The following MYOM1 variants were observed in gnomAD, a reference collection of about 807,000 sequenced individuals.
The protein encoded by MYOM1 is myomesin 1, also known as myomesin-1.
MYOM1 carries 164 observed loss-of-function variants against 205.3 expected under a neutral mutation model. The ratio of observed to expected loss-of-function variants is 0.80; its 90% CI spans 0.70 to 0.91. The LOEUF (loss-of-function observed/expected upper bound fraction) is 0.91, where lower values mean the gene tolerates loss of function less well. Ranked by LOEUF, MYOM1 falls within the 40% of genes least tolerant of loss-of-function variation. The pLI, the probability that MYOM1 is intolerant of heterozygous loss-of-function variation, is 0.00. For missense variants in MYOM1, 2,011 were observed against 2,127.3 expected, an observed-to-expected ratio of 0.95 and a Z score of 1.08; for synonymous variants, 772 against 789.4, an observed-to-expected ratio of 0.98 and a Z score of 0.37.
chr18:3,072,647 C>T (rs1357857498), intron 36 of MYOM1, among the ~76,000 whole-genome samples: 1 of 151,974 alleles, frequency 6.6e-6, no homozygotes, highest in Non-Finnish European at 1.5e-5. Flanking sequence ...AGCCACCATG[C>T]CTGGCTGGAT....
At chr18:3,108,347 C>T (rs903325860) in intron 22 of MYOM1, among the ~76,000 whole-genome samples, 9 of 152,104 alleles carry the variant, frequency 5.9e-5, no homozygotes, top group African/African-American at 1.9e-4. Flanking sequence ...TAATTTTATA[C>T]TCAGAATTTG....
chr18:3,169,835 T>A (rs1247306135), intron 8 of MYOM1, among the ~76,000 whole-genome samples: 1 of 152,176 alleles, frequency 6.6e-6, no homozygotes, highest in Non-Finnish European at 1.5e-5. Flanking sequence ...AGCAGAGACA[T>A]CTGCACTCCG....
At chr18:3,078,588 C>A (rs1159702323) in intron 34 of MYOM1, among the ~76,000 whole-genome samples, 1 of 152,114 alleles carries the variant, frequency 6.6e-6, no homozygotes, top group Admixed American at 6.6e-5. Context: ...TGCTACCACA[C>A]TTGGCTAATT....
the MYOM1 span, chr18:3,246,489 T>G: frequency 2.6e-5 from 4 of 152,320 alleles, no homozygotes; most frequent in South Asian, 8.3e-4. Flanking sequence ...ACAGATCACT[T>G]TTGTTTCAAT....
chr18:3,091,942 G>C (rs2079232548), intron 26 of MYOM1, among the ~76,000 whole-genome samples: 1 of 152,048 alleles, frequency 6.6e-6, no homozygotes, highest in Non-Finnish European at 1.5e-5. Context: ...ATGATGGCCA[G>C]GCTGGTCTTG....
intron 2 of MYOM1, among the ~76,000 whole-genome samples, chr18:3,198,941 G>A (rs1455121982): frequency 1.3e-5 from 2 of 152,144 alleles, no homozygotes; most frequent in East Asian, 1.9e-4. Flanking sequence ...TAGTTCCTCA[G>A]TTCCTCTCCC....
chr18:3,139,113 C>G (rs2080012910), intron 14 of MYOM1, among the ~76,000 whole-genome samples: 1 of 152,116 alleles, frequency 6.6e-6, no homozygotes, highest in African/African-American at 2.4e-5. Flanking sequence ...GACCCCATCT[C>G]TACAAAACAC....
intron 8 of MYOM1, among the ~76,000 whole-genome samples, chr18:3,170,243 G>T (rs1392677289): frequency 6.6e-6 from 1 of 152,106 alleles, no homozygotes; most frequent in African/African-American, 2.4e-5. Flanking sequence ...ATAATTTATT[G>T]CATATTTTCA....
chr18:3,117,995 G>A (rs745489471), intron 20 of MYOM1, among the ~76,000 whole-genome samples: 2 of 152,112 alleles, frequency 1.3e-5, no homozygotes, highest in African/African-American at 4.8e-5. Flanking sequence ...ATCTAGATTG[G>A]GAGCAGTATC....
chr18:3,187,647 C>T lies in MYOM1; in HGVS notation c.772-10G>A. ...TCTCGGTTTCTTCTAACTGAAAAAACAAATATGCAAACAAACATATTACCA... is the reference window on the plus strand; with the variant it reads ...TCTCGGTTTCTTCTAACTGAAAAAATAAATATGCAAACAAACATATTACCA... On this transcript the variant is annotated splice_polypyrimidine_tract_variant and intron_variant, in intron 4 of 37. Transcript: ENST00000356443. 10 of 1,574,062 alleles carry T rather than the reference C, an allele frequency of 6.4e-6. No individual in the cohort carries two copies. Among genetic ancestry groups the T allele is most frequent in the Non-Finnish European group, 8.7e-6 (10 of 1,151,568 alleles).
upstream of MYOM1, among the ~76,000 whole-genome samples, chr18:3,222,460 A>G (rs187401666): frequency 6.6e-6 from 1 of 152,342 alleles, no homozygotes; most frequent in East Asian, 1.9e-4. Context: ...GATCTTGAGT[A>G]TCAATGAATC....
rs575902842 is a variant in MYOM1 at position 3,144,145 on chromosome 18, G to A, written c.1901-2082C>T. The stretch of plus-strand genomic sequence containing the variant: ...GGCATGAACCTGGGAGGCGGAGCTT[G>A]CAGTGAGCCGAGACTGCAGCACTAC... On this transcript the variant is annotated intron_variant, in intron 13 of 37. Transcript: ENST00000356443. Among the ~76,000 whole-genome samples the A allele has an allele frequency of 8.5e-5, 13 of 152,128 alleles. No homozygotes were observed. In the South Asian group the frequency reaches 2.7e-3, roughly 32 times the overall value.
chr18:3,093,261 T>G (rs1484307004), intron 26 of MYOM1, among the ~76,000 whole-genome samples: 3 of 152,204 alleles, frequency 2.0e-5, no homozygotes, highest in African/African-American at 7.2e-5. Context: ...ACACCTCCTC[T>G]GCCCTTTCAG....
intron 2 of MYOM1, among the ~76,000 whole-genome samples, chr18:3,197,689 T>G (rs190407769): frequency 8.3e-4 from 126 of 151,728 alleles, no homozygotes; most frequent in African/African-American, 2.1e-3. Context: ...CTAGCTAACA[T>G]GGTGAAACCC....
the MYOM1 span, chr18:3,246,838 A>G: frequency 6.6e-6 from 1 of 152,218 alleles, no homozygotes; most frequent in African/African-American, 2.4e-5. Context: ...GAGGTCAGAG[A>G]GCTGAGGGGG....
intron 2 of MYOM1, among the ~76,000 whole-genome samples, chr18:3,195,563 T>C (rs1260544443): frequency 6.6e-6 from 1 of 152,196 alleles, no homozygotes; most frequent in Non-Finnish European, 1.5e-5. Context: ...TTTCATTTTT[T>C]CCCCTGTTTC....
At chr18:3,141,372 C>T (rs2080046229) in intron 14 of MYOM1, among the ~76,000 whole-genome samples, 1 of 152,184 alleles carries the variant, frequency 6.6e-6, no homozygotes. Flanking sequence ...TGTAAGATAT[C>T]TGGGAAAGAA....
Position 3,078,134 on chromosome 18 carries a change from T to C in MYOM1, c.4648+1045A>G, listed in dbSNP as rs566723047. Among the ~76,000 whole-genome samples the C allele has an allele frequency of 4.5e-4, 68 of 151,262 alleles. No homozygotes were observed. The Middle Eastern group carries it at 0.017, about 38-fold the overall frequency. On this transcript the variant is annotated intron_variant, in intron 34 of 37. Coordinates refer to ENST00000356443, the MANE Select transcript of MYOM1 (RefSeq NM_003803.4). ...TCAAATCACTGCAACCTCCGCCACA[T>C]GGGTTCAAATGATTCTCCTGCCTCA...
In MYOM1 at chr18:3,135,579, G is replaced by C. The variant is rs376352841; in HGVS notation, c.2177C>G (p.Ala726Gly). ...GTCCCCTACCACAGTCACCTCCGTT[G>C]CCTCTGAGGGCTCACCAACTCCTGC... ...NSAGVGEPSE[A>G]TEVTVVGDKL... The change falls in exon 15 of 38, where the codon GCA (alanine) becomes GGA (glycine). Residue 726 changes from alanine (A) to glycine (G), a missense_variant. Coordinates refer to ENST00000356443, the MANE Select transcript of MYOM1 (RefSeq NM_003803.4). This position sits in a 1 kb window ranked among gnomAD's most constrained non-coding sequence, Gnocchi z 4.1. 1.9e-6 allele frequency: 3 copies of C among 1,613,562 alleles called. No homozygotes were observed. Among genetic ancestry groups the C allele is most frequent in the Non-Finnish European group, 2.5e-6 (3 of 1,179,846 alleles).
Sources: allele counts gnomAD v4.1 joint callset (sites outside exome capture counted in the v4.1 genomes callset), GRCh38; gene constraint gnomAD v4.1.1; non-coding constraint Gnocchi (gnomAD v3.1); transcripts MANE v1.5; gene names NCBI Gene and HGNC (gene_info 2026-07-23, HGNC 2026-07-21).